The following MECOM variants were observed in gnomAD, a reference collection of about 807,000 sequenced individuals.
MECOM encodes histone-lysine N-methyltransferase MECOM.
MECOM carries 13 observed loss-of-function variants against 116.3 expected under a neutral mutation model. The observed-to-expected ratio is 0.11, with a 90% CI of 0.07 to 0.18. The LOEUF is 0.18. Among genes scored for constraint, MECOM ranks in the 10% least tolerant of loss-of-function variants. MECOM has a pLI of 1.00. For synonymous variants in MECOM, 528 were observed against 535.2 expected, an observed-to-expected ratio of 0.99 and a Z score of 0.19; for missense variants, 1,299 against 1,509.0, an observed-to-expected ratio of 0.86 and a Z score of 2.31.
intron 1 of MECOM, among the ~76,000 whole-genome samples, chr3:169,485,204 A>G: frequency 6.6e-6 from 1 of 152,148 alleles, no homozygotes; most frequent in Admixed American, 6.5e-5. Flanking sequence ...TATGTTGGCC[A>G]GGATAGTCTC....
At chr3:169,336,501 A>C (rs1226924575) in intron 2 of MECOM, among the ~76,000 whole-genome samples, 1 of 152,056 alleles carries the variant, frequency 6.6e-6, no homozygotes, top group East Asian at 1.9e-4. Flanking sequence ...TAATTCACTT[A>C]TCAGTGCTTG....
At chr3:169,432,356 C>A (rs940367424) in intron 1 of MECOM, among the ~76,000 whole-genome samples, 1 of 152,232 alleles carries the variant, frequency 6.6e-6, no homozygotes, top group South Asian at 2.1e-4. Context: ...CAGGGTTTCA[C>A]CATGTTGGCC....
intron 2 of MECOM, among the ~76,000 whole-genome samples, chr3:169,188,188 G>A (rs1303591241): frequency 6.6e-6 from 1 of 152,010 alleles, no homozygotes; most frequent in Non-Finnish European, 1.5e-5. Context: ...CTTTGAGCAA[G>A]TTCTTGACAA....
chr3:169,544,198 A>G (rs923363675), intron 1 of MECOM, among the ~76,000 whole-genome samples: 1 of 152,244 alleles, frequency 6.6e-6, no homozygotes, highest in African/African-American at 2.4e-5. Flanking sequence ...TGGTTATCCC[A>G]GCTAGAATTG....
At chr3:169,397,008 A>T (rs1361795198) in intron 1 of MECOM, among the ~76,000 whole-genome samples, 1 of 152,178 alleles carries the variant, frequency 6.6e-6, no homozygotes, top group Non-Finnish European at 1.5e-5. Flanking sequence ...AGAATAAATG[A>T]TGCTCTTGAG....
Position 169,122,583 on chromosome 3 carries a change from G to A in MECOM, c.975C>T (p.Ala325=). The A allele has an allele frequency of 1.9e-6, 3 of 1,613,930 alleles. No individual in the cohort carries two copies. The highest frequency in any genetic ancestry group is 1.7e-6 in the Non-Finnish European group (2 of 1,179,864). ...GTAGCCTACAAATTCACTGTACCTT[G>A]GCACAGTTTTCACATTCATAGTGCT... is the stretch of plus-strand genomic sequence containing the variant. ...SGKHYECENC[A]KVFTDPSNLQ... Residue 325 remains alanine, a synonymous_variant, in exon 6 of 17, where the codon GCC becomes GCT. Transcript: ENST00000651503.
intron 2 of MECOM, among the ~76,000 whole-genome samples, chr3:169,331,148 T>C (rs1722645454): frequency 6.6e-6 from 1 of 152,074 alleles, no homozygotes; most frequent in Non-Finnish European, 1.5e-5. Flanking sequence ...CTTATACCAC[T>C]ACCACCAAGA....
At chr3:169,197,119 C>G (rs1005593804) in intron 2 of MECOM, among the ~76,000 whole-genome samples, 2 of 151,776 alleles carry the variant, frequency 1.3e-5, no homozygotes, top group South Asian at 4.1e-4. Context: ...ACATCAAGAA[C>G]TCATTGACAC....
chr3:169,610,152 T>C (rs936102650), intron 1 of MECOM, among the ~76,000 whole-genome samples: 1 of 152,188 alleles, frequency 6.6e-6, no homozygotes, highest in Non-Finnish European at 1.5e-5. Flanking sequence ...ATTTTTATAT[T>C]ACTAGCTTAT....
intron 2 of MECOM, among the ~76,000 whole-genome samples, chr3:169,258,121 G>A (rs1458202156): frequency 3.3e-5 from 5 of 152,110 alleles, no homozygotes; most frequent in Non-Finnish European, 5.9e-5. Context: ...TCAGGAGTTC[G>A]AGGCAGAAGA....
intron 2 of MECOM, chr3:169,146,906 T>C (rs1740104695): frequency 9.7e-7 from 1 of 1,029,342 alleles, no homozygotes; most frequent in Admixed American, 5.0e-5. Flanking sequence ...CGCGTCTCGA[T>C]TTCCAAATGG....
Position 169,144,935 on chromosome 3 carries a change from A to G in MECOM, c.376-1103T>C, listed in dbSNP as rs186775653. On this transcript the variant is annotated intron_variant, in intron 2 of 16. Coordinates refer to ENST00000651503, the MANE Select transcript of MECOM (RefSeq NM_004991.4). ...AATTAAACTCTTGAGTACTGAGACCAAAAGCAATTTTGCATAGAATTCAGG... is the reference window on the plus strand; with the variant it reads ...AATTAAACTCTTGAGTACTGAGACCGAAAGCAATTTTGCATAGAATTCAGG... The G allele has an allele frequency of 5.7e-4, 787 of 1,385,394 alleles. 3 individuals carry two copies. The Middle Eastern group carries it at 0.015, about 26-fold the overall frequency. 85.8% of individuals were successfully genotyped at this position (1,385,394 alleles called of 1,614,324 possible).
At chr3:169,480,713 G>T (rs1751159694) in intron 1 of MECOM, among the ~76,000 whole-genome samples, 1 of 152,174 alleles carries the variant, frequency 6.6e-6, no homozygotes, top group Admixed American at 6.5e-5. Flanking sequence ...TCAAAAAGGA[G>T]ATGAAGGGAG....
chr3:169,329,701 T>A (rs571623111), intron 2 of MECOM, among the ~76,000 whole-genome samples: 1 of 152,212 alleles, frequency 6.6e-6, no homozygotes, highest in Non-Finnish European at 1.5e-5. Context: ...AGGAGTTCCA[T>A]TGCAATATTT....
chr3:169,126,740 C>G (rs1214242871), intron 5 of MECOM, among the ~76,000 whole-genome samples: 2 of 151,770 alleles, frequency 1.3e-5, no homozygotes, highest in Admixed American at 1.3e-4. Context: ...TTAAAATGAA[C>G]TACTAGATGA....
At chr3:169,474,317 C>T (rs919271860) in intron 1 of MECOM, among the ~76,000 whole-genome samples, 2 of 152,114 alleles carry the variant, frequency 1.3e-5, no homozygotes, top group East Asian at 1.9e-4. Flanking sequence ...GCCTAATGCT[C>T]CATACTAGAA....
rs185231504 is a variant in MECOM, at chr3:169,588,667, A to G, written c.37+74669T>C. On this transcript the variant is annotated intron_variant, in intron 1 of 16. Coordinates refer to ENST00000651503, the MANE Select transcript of MECOM (RefSeq NM_004991.4). ...GTCATACTGATGTCTACGTTCATCT[A>G]TGCTTCTTTTCCCGTGTTTTAATGT... Among the ~76,000 whole-genome samples the G allele has an allele frequency of 6.6e-5, 10 of 152,216 alleles. No homozygotes were observed. The East Asian group carries it at 1.9e-3, about 29-fold the overall frequency.
intron 2 of MECOM, among the ~76,000 whole-genome samples, chr3:169,312,941 G>T (rs1008544497): frequency 3.9e-5 from 6 of 152,126 alleles, no homozygotes; most frequent in Non-Finnish European, 8.8e-5. Context: ...AAGAAACACT[G>T]CCCTGGAGAA....
chr3:169,090,988 A>G (rs1719523616), intron 14 of MECOM, among the ~76,000 whole-genome samples: 1 of 152,104 alleles, frequency 6.6e-6, no homozygotes, highest in Non-Finnish European at 1.5e-5. Flanking sequence ...AAATAAATAA[A>G]ACAATCTTGG....
Sources: allele counts gnomAD v4.1 joint callset (sites outside exome capture counted in the v4.1 genomes callset), GRCh38; gene constraint gnomAD v4.1.1; transcripts MANE v1.5; gene names NCBI Gene and HGNC (gene_info 2026-07-23, HGNC 2026-07-21).